PLAG1: variants seen among roughly 807,000 people sequenced by gnomAD.
The protein encoded by PLAG1 is PLAG1 zinc finger, also known as zinc finger protein PLAG1.
A neutral mutation model predicts 35.5 loss-of-function variants in PLAG1; 7 were observed. That is an observed-to-expected ratio of 0.20 (90% CI 0.11 to 0.37). The LOEUF (loss-of-function observed/expected upper bound fraction) is 0.37, where lower values mean the gene tolerates loss of function less well. Among genes scored for constraint, PLAG1 ranks in the 10% least tolerant of loss-of-function variants. PLAG1 has a pLI of 1.00. For missense variants in PLAG1, 454 were observed against 602.8 expected, an observed-to-expected ratio of 0.75 and a Z score of 2.58; for synonymous variants, 229 against 225.4, an observed-to-expected ratio of 1.02 and a Z score of -0.14.
intron 1 of PLAG1, among the ~76,000 whole-genome samples, chr8:56,185,370 T>A (rs990527137): frequency 1.3e-5 from 2 of 152,148 alleles, no homozygotes; most frequent in Non-Finnish European, 2.9e-5. Context: ...CAATATCAAT[T>A]ATACCCCCCA....
chr8:56,197,049 C>T (rs991187867), intron 1 of PLAG1, among the ~76,000 whole-genome samples: 1 of 151,586 alleles, frequency 6.6e-6, no homozygotes. Context: ...CCCACTCTGG[C>T]GTGTATTTCT....
At chr8:56,199,188 A>C (rs947363138) in intron 1 of PLAG1, among the ~76,000 whole-genome samples, 3 of 152,148 alleles carry the variant, frequency 2.0e-5, no homozygotes, top group Non-Finnish European at 4.4e-5. Flanking sequence ...GGACAGGTGG[A>C]AAAAAGGTGC....
chr8:56,195,187 A>G (rs912032118), intron 1 of PLAG1, among the ~76,000 whole-genome samples: 1 of 152,196 alleles, frequency 6.6e-6, no homozygotes, highest in Middle Eastern at 3.2e-3. Flanking sequence ...ACCAAAAACC[A>G]TTTGACCACT....
intron 1 of PLAG1, among the ~76,000 whole-genome samples, chr8:56,191,258 C>T (rs931392525): frequency 1.3e-5 from 2 of 152,148 alleles, no homozygotes; most frequent in African/African-American, 2.4e-5. Flanking sequence ...CATTCTAGAG[C>T]ACTAGCAGGA....
intron 1 of PLAG1, among the ~76,000 whole-genome samples, chr8:56,184,642 G>A (rs1811969177): frequency 6.6e-6 from 1 of 152,196 alleles, no homozygotes; most frequent in African/African-American, 2.4e-5. Flanking sequence ...GCTCATGTCT[G>A]TAATCCCAGC....
At chr8:56,210,400 T>G (rs1284562140) in intron 1 of PLAG1, among the ~76,000 whole-genome samples, 1 of 130,594 alleles carries the variant, frequency 7.7e-6, no homozygotes, top group Admixed American at 7.9e-5. Flanking sequence ...TAGCACCCCC[T>G]CCCCCTACCC....
intron 2 of PLAG1, chr8:56,177,934 T>G: frequency 2.1e-6 from 1 of 480,652 alleles, no homozygotes; most frequent in Non-Finnish European, 2.7e-6. Flanking sequence ...TCGGCAGACC[T>G]CAAAAGCCAG....
intron 1 of PLAG1, among the ~76,000 whole-genome samples, chr8:56,188,232 A>G (rs13273123): frequency 0.14 from 21,752 of 152,170 alleles, 1,794 homozygotes; most frequent in Middle Eastern, 0.19. Flanking sequence ...AAGAGGTTGC[A>G]TGGAACTGAA....
rs974521188 is a variant in PLAG1, at chr8:56,164,301, T to C, written c.*1942A>G. On this transcript the variant is annotated 3_prime_UTR_variant, in exon 5 of 5. Coordinates refer to ENST00000316981, the MANE Select transcript of PLAG1 (RefSeq NM_002655.3). ...CCTTCAGAGAGCAACTTTGATTCTATGAAGTGCGGTATGTGTGCATGTGTG... is the reference window on the plus strand; with the variant it reads ...CCTTCAGAGAGCAACTTTGATTCTACGAAGTGCGGTATGTGTGCATGTGTG... 20 of 218,238 alleles carry C rather than the reference T, an allele frequency of 9.2e-5. No individual in the cohort carries two copies. Among genetic ancestry groups the C allele is most frequent in the African/African-American group, 4.3e-4 (19 of 44,408 alleles). The allele number at this position is 218,238 out of a possible 1,614,324, so 13.5% of individuals were successfully genotyped here.
At chr8:56,181,028 C>A (rs567826411) in intron 1 of PLAG1, among the ~76,000 whole-genome samples, 2 of 152,286 alleles carry the variant, frequency 1.3e-5, no homozygotes, top group East Asian at 3.9e-4. Context: ...TACCATCTCA[C>A]GCCAGTTAGA....
At chr8:56,169,267 C>T (rs1811446187) in intron 3 of PLAG1, among the ~76,000 whole-genome samples, 1 of 152,068 alleles carries the variant, frequency 6.6e-6, no homozygotes, top group African/African-American at 2.4e-5. Flanking sequence ...GGACTTCTGA[C>T]ATGGCACACA....
chr8:56,209,661 T>C (rs1041350101), intron 1 of PLAG1, among the ~76,000 whole-genome samples: 2 of 152,188 alleles, frequency 1.3e-5, no homozygotes, highest in South Asian at 2.1e-4. Context: ...TAACATTCTT[T>C]AGGAAGGATG....
At chr8:56,201,661 A>G (rs545664335) in intron 1 of PLAG1, among the ~76,000 whole-genome samples, 201 of 152,316 alleles carry the variant, frequency 1.3e-3, no homozygotes, top group African/African-American at 4.5e-3. Flanking sequence ...AGGTCTGTCC[A>G]TTCTAAAGAT....
rs543529334 is a variant in PLAG1 at position 56,178,598 on chromosome 8, G to A, written c.-217+811C>T. On this transcript the variant is annotated intron_variant, in intron 2 of 4. Coordinates refer to ENST00000316981, the MANE Select transcript of PLAG1 (RefSeq NM_002655.3). Reference sequence around the variant, plus strand: ...TTTGATTTGATCAAGCTCTGTTGATGTATCTTGTGAAACCCTGCCCAAGGC... The same window carrying A: ...TTTGATTTGATCAAGCTCTGTTGATATATCTTGTGAAACCCTGCCCAAGGC... 2.6e-5 allele frequency among the ~76,000 whole-genome samples: 4 copies of A among 152,268 alleles called. No homozygotes were observed. The East Asian group carries it at 7.7e-4, about 29-fold the overall frequency.
intron 1 of PLAG1, among the ~76,000 whole-genome samples, chr8:56,184,380 C>T (rs770397907): frequency 2.0e-5 from 3 of 152,100 alleles, no homozygotes; most frequent in Non-Finnish European, 4.4e-5. Flanking sequence ...CTACCATGGA[C>T]AGGAAGGTAA....
chr8:56,193,134 T>C (rs1346000106), intron 1 of PLAG1, among the ~76,000 whole-genome samples: 1 of 152,210 alleles, frequency 6.6e-6, no homozygotes, highest in Non-Finnish European at 1.5e-5. Flanking sequence ...TGTATTGTAA[T>C]TATACCTTTA....
intron 1 of PLAG1, among the ~76,000 whole-genome samples, chr8:56,182,534 C>T (rs1453424608): frequency 6.6e-6 from 1 of 151,684 alleles, no homozygotes; most frequent in East Asian, 1.9e-4. Flanking sequence ...CAGAACTGGC[C>T]CATAGGTTCA....
In PLAG1 at chr8:56,166,530, A is replaced by G; in HGVS notation, c.1216T>C (p.Ser406Pro). ...GGTGTGTTTAGGGGGTCACTGATGG[A>G]GATAGAGCTTTTGGATAGGGAGAGG... ...GDLSLSKSSI[S>P]ISDPLNTPAL... Residue 406 changes from serine (S) to proline (P), a missense_variant, in exon 5 of 5, where the codon TCC (serine) becomes CCC (proline). Physicochemically the swap from Ser to Pro is moderately conservative, Grantham distance 74. Transcript: ENST00000316981. 1 of 1,614,006 alleles carries G rather than the reference A, an allele frequency of 6.2e-7. No individual in the cohort carries two copies. The highest frequency in any genetic ancestry group is 8.5e-7 in the Non-Finnish European group (1 of 1,179,946).
intron 1 of PLAG1, among the ~76,000 whole-genome samples, chr8:56,190,286 G>A (rs1043662774): frequency 2.0e-4 from 31 of 152,258 alleles, no homozygotes; most frequent in African/African-American, 7.0e-4. Context: ...GCACGGAGAG[G>A]GGAAAGGAGG....
Sources: allele counts gnomAD v4.1 joint callset (sites outside exome capture counted in the v4.1 genomes callset), GRCh38; gene constraint gnomAD v4.1.1; transcripts MANE v1.5; gene names NCBI Gene and HGNC (gene_info 2026-07-23, HGNC 2026-07-21).